NCAPG2: variants seen among roughly 807,000 people sequenced by gnomAD.
The protein encoded by NCAPG2 is non-SMC condensin II complex subunit G2, also known as condensin-2 complex subunit G2.
Under a neutral mutation model 141.1 loss-of-function variants are expected in NCAPG2, and 53 were observed. That is an observed-to-expected ratio of 0.38 (90% CI 0.30 to 0.47). NCAPG2 has a LOEUF of 0.47. Among genes scored for constraint, NCAPG2 ranks in the 20% least tolerant of loss-of-function variants. The pLI, the probability that NCAPG2 is intolerant of heterozygous loss-of-function variation, is 0.99. For missense variants in NCAPG2, 1,087 were observed against 1,389.0 expected (o/e 0.78, Z 3.46); for synonymous variants, 499 against 490.7 (o/e 1.02, Z -0.22).
rs578028573 is a variant in NCAPG2 at position 158,692,947 on chromosome 7, T to C, written c.277A>G (p.Ile93Val). Residue 93 changes from isoleucine (I) to valine (V), a missense_variant, in exon 4 of 28, where the codon ATA becomes GTA. Coordinates refer to ENST00000356309, the MANE Select transcript of NCAPG2 (RefSeq NM_017760.7). ...GATGTAATTGCATAAATTATTTCTA[T>C]GCTTTTTCTCTATAAATGAAAAATC... Reference protein sequence around the residue: ...TEHGSKMRKSIEIIYAITSVI... With the variant: ...TEHGSKMRKSVEIIYAITSVI... 8.4e-6 allele frequency: 13 copies of C among 1,543,500 alleles called. No individual in the cohort carries two copies. Among genetic ancestry groups the C allele is most frequent in the East Asian group, 4.5e-5 (2 of 44,288 alleles).
intron 22 of NCAPG2, among the ~76,000 whole-genome samples, chr7:158,654,305 A>G (rs1298017256): frequency 6.6e-6 from 1 of 152,196 alleles, no homozygotes; most frequent in Non-Finnish European, 1.5e-5. Context: ...ATGCCAGGAA[A>G]TAGCCACTAG....
chr7:158,694,842 C>T lies in NCAPG2; in HGVS notation c.79-1345G>A, dbSNP rs182710929. Among the ~76,000 whole-genome samples, 34 of 152,178 alleles carry T rather than the reference C, an allele frequency of 2.2e-4. No individual in the cohort carries two copies. In the East Asian group the frequency reaches 3.3e-3, roughly 15 times the overall value. The stretch of plus-strand genomic sequence containing the variant: ...TTTTTCCACCTCCGCTTGTTCACTT[C>T]TATCTACTCTCTTTCCTCGTTTCCT... On this transcript the variant is annotated intron_variant, in intron 2 of 27. Coordinates refer to ENST00000356309, the MANE Select transcript of NCAPG2 (RefSeq NM_017760.7).
At chr7:158,637,842 T>A (rs905255024) in intron 27 of NCAPG2, among the ~76,000 whole-genome samples, 1 of 152,078 alleles carries the variant, frequency 6.6e-6, no homozygotes, top group Non-Finnish European at 1.5e-5. Flanking sequence ...GCCAACTCCC[T>A]ATAAAAATCC....
At chr7:158,695,604 G>T (rs924881648) in intron 2 of NCAPG2, among the ~76,000 whole-genome samples, 3 of 152,240 alleles carry the variant, frequency 2.0e-5, no homozygotes, top group African/African-American at 7.2e-5. Context: ...TGAAGAGCTG[G>T]CTGGAAGGGC....
At chr7:158,637,146 A>G (rs1407018840) in intron 27 of NCAPG2, among the ~76,000 whole-genome samples, 1 of 151,952 alleles carries the variant, frequency 6.6e-6, no homozygotes, top group Non-Finnish European at 1.5e-5. Flanking sequence ...ACGGGGTTTC[A>G]CCGTGTTAGC....
chr7:158,686,729 G>T (rs1374584237), intron 7 of NCAPG2, among the ~76,000 whole-genome samples: 1 of 152,128 alleles, frequency 6.6e-6, no homozygotes, highest in Non-Finnish European at 1.5e-5. Flanking sequence ...GTATACAACA[G>T]GAGCTTTGCA....
intron 16 of NCAPG2, among the ~76,000 whole-genome samples, chr7:158,660,616 A>G (rs1362482868): frequency 1.3e-5 from 2 of 151,846 alleles, no homozygotes; most frequent in Non-Finnish European, 2.9e-5. Flanking sequence ...AGGTCTCACT[A>G]TGTTGCCCAG....
At chr7:158,697,840 A>C (rs1446788087) in intron 2 of NCAPG2, among the ~76,000 whole-genome samples, 1 of 152,190 alleles carries the variant, frequency 6.6e-6, no homozygotes, top group Admixed American at 6.5e-5. Flanking sequence ...CTAACACAGG[A>C]ACAGAAAACC....
At chr7:158,656,464 A>C (rs201919596) in intron 18 of NCAPG2, 31 bp from the exon 19 acceptor site, 1 of 1,611,184 alleles carries the variant, frequency 6.2e-7, no homozygotes, top group East Asian at 2.2e-5. Context: ...ACTGATAATG[A>C]AAACACACGT....
intron 17 of NCAPG2, among the ~76,000 whole-genome samples, 176 bp downstream of exon 17, chr7:158,658,162 A>AG (rs1297636832): frequency 6.6e-6 from 1 of 151,894 alleles, no homozygotes; most frequent in Non-Finnish European, 1.5e-5. Context: ...AAAAAAAAAA[A>AG]AAAAGAAAAT....
intron 13 of NCAPG2, among the ~76,000 whole-genome samples, chr7:158,666,892 A>G (rs1172180551): frequency 2.0e-5 from 3 of 152,164 alleles, no homozygotes; most frequent in African/African-American, 7.2e-5. Context: ...AAGAGAAAGT[A>G]TAACTCTCAA....
chr7:158,691,016 T>C (rs1406373938), intron 4 of NCAPG2, among the ~76,000 whole-genome samples: 1 of 152,208 alleles, frequency 6.6e-6, no homozygotes, highest in African/African-American at 2.4e-5. Context: ...GAAAGGCAGA[T>C]GCTGAGGCTA....
rs1373230640 is a variant in NCAPG2, at chr7:158,690,713, T to C, written c.392A>G (p.Tyr131Cys). 1 of 1,613,654 alleles carries C rather than the reference T, an allele frequency of 6.2e-7. No homozygotes were observed. The highest frequency in any genetic ancestry group is 1.3e-5 in the African/African-American group (1 of 75,004). The part of the protein sequence containing the change: ...ECVIILNGIL[Y>C]ALPESERKLQ... ...TTTTCGTTCAGACTCAGGTAATGCA[T>C]ATAAAATACCTAAAATACAGCACAG... Residue 131 changes from tyrosine (Y) to cysteine (C), a missense_variant, in exon 5 of 28, where the codon TAT (tyrosine) becomes TGT (cysteine). Transcript: ENST00000356309.
chr7:158,690,868 A>G (rs1180110422), intron 4 of NCAPG2, 146 bp from the exon 5 acceptor site: 24 of 688,108 alleles, frequency 3.5e-5, no homozygotes, highest in Non-Finnish European at 5.1e-5. Flanking sequence ...CCAAAGATTT[A>G]TATACATTAG....
chr7:158,645,409 C>G, intron 26 of NCAPG2, 110 bp downstream of exon 26: 1 of 891,326 alleles, frequency 1.1e-6, no homozygotes. Context: ...TGGGGGACAC[C>G]TGAGCTGGCC....
At chr7:158,668,603 G>A in intron 13 of NCAPG2, 1 of 202,792 alleles carries the variant, frequency 4.9e-6, no homozygotes, top group Non-Finnish European at 8.7e-6. Context: ...AATAATTGTT[G>A]AAGCTGGGTG....
chr7:158,702,529 C>T (rs1450485054), intron 1 of NCAPG2, among the ~76,000 whole-genome samples: 3 of 152,228 alleles, frequency 2.0e-5, no homozygotes, highest in Non-Finnish European at 4.4e-5. Context: ...ACCCTCCATC[C>T]TGCCTGTGTT....
chr7:158,646,702 T>G (rs1442914788), intron 24 of NCAPG2, 139 bp from the exon 25 acceptor site: 7 of 596,824 alleles, frequency 1.2e-5, no homozygotes, highest in Non-Finnish European at 2.0e-5. Context: ...ACTGTTGAAA[T>G]GTCTACAATA....
At position 158,662,233 on chromosome 7, in the gene NCAPG2, C is replaced by T. The variant is rs761857281; in HGVS notation, c.1950G>A (p.Lys650=). The T allele has an allele frequency of 6.2e-7, 1 of 1,609,324 alleles. No individual in the cohort carries two copies. The highest frequency in any genetic ancestry group is 8.5e-7 in the Non-Finnish European group (1 of 1,178,538). The change falls in exon 16 of 28, where the codon AAG becomes AAA. Residue 650 remains lysine (K), a synonymous_variant. Transcript: ENST00000356309. The part of the protein sequence containing the change: ...NKEAKLYTIN[K]FASVLPEYLK... ...GATACTCTGGAAGCACAGAGGCAAA[C>T]TTGTTAATCGTGTAAAGTTTGGCCT...
Sources: gnomAD v4.1 joint callset for allele counts (sites outside exome capture counted in the v4.1 genomes callset) on GRCh38, gnomAD v4.1.1 for gene constraint, MANE v1.5 for transcripts, NCBI Gene and HGNC (gene_info 2026-07-23, HGNC 2026-07-21) for gene names.